Variants in CRB1 observed in about 807,000 individuals in gnomAD.
CRB1 encodes the protein protein crumbs homolog 1.
In CRB1, 83 loss-of-function variants were observed where a neutral mutation model predicts 120.0. That is an observed-to-expected ratio of 0.69 (90% CI 0.58 to 0.83). CRB1 has a LOEUF of 0.83. CRB1 is among the 40% of genes least tolerant of loss of function. The pLI is 0.00. For missense variants in CRB1, 1,699 were observed against 1,687.6 expected, an observed-to-expected ratio of 1.01 and a Z score of -0.12; for synonymous variants, 625 against 612.5, an observed-to-expected ratio of 1.02 and a Z score of -0.30.
At chr1:197,474,248 T>C (rs1025783424) in intron 11 of CRB1, among the ~76,000 whole-genome samples, 1 of 152,226 alleles carries the variant, frequency 6.6e-6, no homozygotes, top group African/African-American at 2.4e-5. Flanking sequence ...ATATTCCATT[T>C]TATAAATGAT....
In CRB1 at chr1:197,421,821, A is replaced by C; in HGVS notation, c.1993A>C (p.Asn665His). 6.2e-7 allele frequency: 1 copy of C among 1,614,226 alleles called. No individual in the cohort carries two copies. The highest frequency in any genetic ancestry group is 8.5e-7 in the Non-Finnish European group (1 of 1,180,050). ...GAACATCTCGTCTGGCTCATCATTA[A>C]ATGTCAAGGCAGGCTGTGTGAGAAA... ...LENISSGSSL[N>H]VKAGCVRKDW... The change falls in exon 6 of 12, where the codon AAT (asparagine) becomes CAT (histidine). Residue 665 changes from asparagine (N) to histidine (H), a missense_variant. Coordinates refer to ENST00000367400, the MANE Select transcript of CRB1 (RefSeq NM_201253.3).
chr1:197,216,411 A>C, the CRB1 span, among the ~76,000 whole-genome samples: 7 of 152,318 alleles, frequency 4.6e-5, no homozygotes, highest in African/African-American at 1.7e-4. Context: ...ATAAGTCAGT[A>C]AATAGTTTTG....
intron 8 of CRB1, among the ~76,000 whole-genome samples, chr1:197,431,416 A>C (rs1207192941): frequency 6.6e-6 from 1 of 152,204 alleles, no homozygotes; most frequent in Non-Finnish European, 1.5e-5. Flanking sequence ...TGGGGCACTA[A>C]ATTTTAAATG....
intron 1 of CRB1, among the ~76,000 whole-genome samples, chr1:197,292,603 C>A (rs1331611606): frequency 1.3e-5 from 2 of 151,412 alleles, no homozygotes; most frequent in Admixed American, 6.6e-5. Flanking sequence ...ACAGACACAA[C>A]AAAAAAAAGA....
intron 5 of CRB1, among the ~76,000 whole-genome samples, chr1:197,408,171 G>C (rs1004449287): frequency 6.6e-6 from 1 of 152,122 alleles, no homozygotes; most frequent in Admixed American, 6.5e-5. Context: ...ATATGGATAA[G>C]CTCAGATGTT....
At chr1:197,353,972 A>C (rs1434892469) in intron 4 of CRB1, among the ~76,000 whole-genome samples, 1 of 151,286 alleles carries the variant, frequency 6.6e-6, no homozygotes, top group Non-Finnish European at 1.5e-5. Context: ...CTTACAAATC[A>C]ATATGGAAAA....
chr1:197,268,266 C>T lies in CRB1; in HGVS notation c.-147C>T, dbSNP rs1461867291. 1.4e-6 allele frequency: 1 copy of T among 716,710 alleles called. No individual in the cohort carries two copies. Among genetic ancestry groups the T allele is most frequent in the Non-Finnish European group, 2.6e-6 (1 of 387,486 alleles). The allele number at this position is 716,710 out of a possible 1,614,324, so 44.4% of individuals were successfully genotyped here. On this transcript the variant is annotated 5_prime_UTR_variant, in exon 1 of 12. Coordinates refer to ENST00000367400, the MANE Select transcript of CRB1 (RefSeq NM_201253.3). ...TTTTGAATCTAAGTCCCTGTATTTT[C>T]TGTGAAGGAGCTGTAAGTAGGGTGG...
intron 1 of CRB1, among the ~76,000 whole-genome samples, chr1:197,321,041 T>C (rs893466760): frequency 6.6e-6 from 1 of 152,232 alleles, no homozygotes; most frequent in Non-Finnish European, 1.5e-5. Flanking sequence ...CCCATTTCCC[T>C]GGTGTTTTGT....
chr1:197,472,079 A>G (rs377032332), intron 11 of CRB1, among the ~76,000 whole-genome samples: 3 of 152,250 alleles, frequency 2.0e-5, no homozygotes, highest in African/African-American at 4.8e-5. Flanking sequence ...TCTTAATTGC[A>G]CATAATGGTC....
At chr1:197,233,874 T>C in the CRB1 span, among the ~76,000 whole-genome samples, 1 of 152,256 alleles carries the variant, frequency 6.6e-6, no homozygotes, top group Non-Finnish European at 1.5e-5. Context: ...TAATAAGCTC[T>C]CTGCTCCAGA....
At chr1:197,207,092 C>T in the CRB1 span, among the ~76,000 whole-genome samples, 1 of 152,126 alleles carries the variant, frequency 6.6e-6, no homozygotes, top group South Asian at 2.1e-4. Flanking sequence ...CATGGAATAT[C>T]TTTTTCCAGC....
chr1:197,469,470 G>A (rs1330527553), intron 11 of CRB1, among the ~76,000 whole-genome samples: 1 of 152,018 alleles, frequency 6.6e-6, no homozygotes, highest in African/African-American at 2.4e-5. Flanking sequence ...GAATTGTAGG[G>A]GAATTGGTTA....
intron 1 of CRB1, among the ~76,000 whole-genome samples, chr1:197,293,620 A>G (rs1571782506): frequency 6.6e-6 from 1 of 152,144 alleles, no homozygotes; most frequent in East Asian, 1.9e-4. Flanking sequence ...TCCTAAGCCA[A>G]AAGAACAAAG....
At chr1:197,304,822 T>A (rs1442547277) in intron 1 of CRB1, among the ~76,000 whole-genome samples, 4 of 152,188 alleles carry the variant, frequency 2.6e-5, no homozygotes, top group Non-Finnish European at 5.9e-5. Context: ...GCAGTGCCAA[T>A]CCTACCCATT....
intron 1 of CRB1, among the ~76,000 whole-genome samples, chr1:197,327,303 AT>A (rs1344778807): frequency 6.6e-6 from 1 of 152,182 alleles, no homozygotes; most frequent in Non-Finnish European, 1.5e-5. Context: ...TTGATTGATG[AT>A]TTTAAATTAG....
the CRB1 span, among the ~76,000 whole-genome samples, chr1:197,227,113 A>G: frequency 6.6e-6 from 1 of 152,126 alleles, no homozygotes; most frequent in Non-Finnish European, 1.5e-5. Flanking sequence ...CATATTTCAA[A>G]ACCAATCATG....
chr1:197,394,317 A>G (rs1459227400), intron 5 of CRB1, among the ~76,000 whole-genome samples: 1 of 152,086 alleles, frequency 6.6e-6, no homozygotes, highest in Non-Finnish European at 1.5e-5. Context: ...TATTTTGATA[A>G]TATAGTGTAT....
chr1:197,230,678 G>C, the CRB1 span, among the ~76,000 whole-genome samples: 1 of 152,074 alleles, frequency 6.6e-6, no homozygotes, highest in Non-Finnish European at 1.5e-5. Context: ...TAATAGGTAG[G>C]ACTAGAAAGA....
chr1:197,279,357 C>G (rs1480274535), intron 1 of CRB1, among the ~76,000 whole-genome samples: 5 of 151,688 alleles, frequency 3.3e-5, no homozygotes, highest in African/African-American at 1.2e-4. Flanking sequence ...TTAAAAGAAG[C>G]CTTTACAGCC....
Sources: allele counts gnomAD v4.1 joint callset (sites outside exome capture counted in the v4.1 genomes callset), GRCh38; gene constraint gnomAD v4.1.1; transcripts MANE v1.5; gene names NCBI Gene and HGNC (gene_info 2026-07-23, HGNC 2026-07-21).